Variants in ADAMTSL1 observed in about 807,000 individuals in gnomAD.
The protein encoded by ADAMTSL1 is ADAMTS like 1, also known as ADAMTS-like protein 1.
ADAMTSL1 carries 126 observed loss-of-function variants against 201.8 expected under a neutral mutation model. That is an observed-to-expected ratio of 0.62 (90% CI 0.54 to 0.72). The LOEUF is 0.72. Ranked by LOEUF, ADAMTSL1 falls within the 30% of genes least tolerant of loss-of-function variation. The probability of loss-of-function intolerance (pLI) is 0.00; values close to 1 mark genes in which losing one functional copy is unlikely to be tolerated. For missense variants in ADAMTSL1, 2,679 were observed against 2,277.8 expected, an observed-to-expected ratio of 1.18 and a Z score of -3.59; for synonymous variants, 1,121 against 903.4, an observed-to-expected ratio of 1.24 and a Z score of -4.32.
chr9:17,930,095 T>C (rs1826716155), intron 1 of ADAMTSL1, among the ~76,000 whole-genome samples: 1 of 152,192 alleles, frequency 6.6e-6, no homozygotes, highest in Non-Finnish European at 1.5e-5. Flanking sequence ...TTTAAAGAAA[T>C]ATTAGCTACT....
intron 1 of ADAMTSL1, among the ~76,000 whole-genome samples, chr9:18,018,158 C>A (rs1471436884): frequency 6.6e-6 from 1 of 152,088 alleles, no homozygotes; most frequent in Non-Finnish European, 1.5e-5. Flanking sequence ...TATTTACTAA[C>A]TAGCTATTTA....
intron 1 of ADAMTSL1, among the ~76,000 whole-genome samples, chr9:18,079,709 A>G (rs1005033453): frequency 2.0e-5 from 3 of 150,150 alleles, no homozygotes; most frequent in African/African-American, 7.3e-5. Flanking sequence ...AAATAAATAA[A>G]TAAATAAATA....
At chr9:17,998,547 G>C (rs774358590) in intron 1 of ADAMTSL1, among the ~76,000 whole-genome samples, 2 of 152,032 alleles carry the variant, frequency 1.3e-5, no homozygotes, top group African/African-American at 4.8e-5. Context: ...GAAGTCTATA[G>C]GCTGCAAGGA....
At chr9:18,710,311 T>C (rs1832486030) in intron 14 of ADAMTSL1, among the ~76,000 whole-genome samples, 1 of 152,218 alleles carries the variant, frequency 6.6e-6, no homozygotes, top group South Asian at 2.1e-4. Context: ...TGGCCCAAGA[T>C]ACTCCTTAAT....
chr9:17,937,639 A>G (rs1563907407), intron 1 of ADAMTSL1, among the ~76,000 whole-genome samples: 3 of 2,718 alleles, frequency 1.1e-3, no homozygotes. Context: ...TTGTTGATTT[A>G]AATTCCTTAA....
chr9:18,229,995 C>G, intron 2 of ADAMTSL1, among the ~76,000 whole-genome samples: 1 of 152,182 alleles, frequency 6.6e-6, no homozygotes, highest in East Asian at 1.9e-4. Context: ...CCGCACCCAG[C>G]CATTTAACCA....
intron 2 of ADAMTSL1, among the ~76,000 whole-genome samples, chr9:18,268,700 G>C (rs1433192246): frequency 1.3e-5 from 2 of 152,120 alleles, no homozygotes; most frequent in African/African-American, 4.8e-5. Flanking sequence ...TGACAGACTG[G>C]CTCATTCTCA....
chr9:18,002,351 T>G (rs1819647598), intron 1 of ADAMTSL1, among the ~76,000 whole-genome samples: 1 of 152,014 alleles, frequency 6.6e-6, no homozygotes, highest in Non-Finnish European at 1.5e-5. Context: ...ACAATATTGC[T>G]AGGTGACCTT....
intron 13 of ADAMTSL1, among the ~76,000 whole-genome samples, chr9:18,687,233 C>CT (rs1180323379): frequency 5.3e-5 from 8 of 152,040 alleles, no homozygotes; most frequent in East Asian, 3.8e-4. Flanking sequence ...CTAAGTGTCA[C>CT]TTTTTTTTAT....
chr9:18,562,040 A>G (rs545138568), intron 3 of ADAMTSL1, among the ~76,000 whole-genome samples: 9 of 152,226 alleles, frequency 5.9e-5, no homozygotes, highest in Admixed American at 2.0e-4. Context: ...TAATATTGTT[A>G]TGTGTGAATC....
chr9:18,592,782 A>G (rs1824009360), intron 4 of ADAMTSL1, among the ~76,000 whole-genome samples: 1 of 152,158 alleles, frequency 6.6e-6, no homozygotes, highest in African/African-American at 2.4e-5. Flanking sequence ...TTTGACAGAG[A>G]TTGCAATGAA....
At chr9:18,723,290 C>A in intron 15 of ADAMTSL1, 1 of 585,226 alleles carries the variant, frequency 1.7e-6, no homozygotes, top group African/African-American at 1.9e-5. Flanking sequence ...AATTTCTGTT[C>A]TGCTTATTTG....
chr9:17,994,502 T>C (rs1272081345), intron 1 of ADAMTSL1, among the ~76,000 whole-genome samples: 2 of 152,174 alleles, frequency 1.3e-5, no homozygotes, highest in East Asian at 1.9e-4. Flanking sequence ...AAAATGCTTT[T>C]ATTAGATATT....
At chr9:17,940,262 G>A (rs1563908987) in intron 1 of ADAMTSL1, among the ~76,000 whole-genome samples, 1 of 152,034 alleles carries the variant, frequency 6.6e-6, no homozygotes, top group Non-Finnish European at 1.5e-5. Context: ...ATTGTAGAGG[G>A]TAGATTTGAG....
intron 2 of ADAMTSL1, among the ~76,000 whole-genome samples, chr9:18,526,880 CCA>C (rs566738756): frequency 2.0e-3 from 301 of 152,300 alleles, no homozygotes; most frequent in Non-Finnish European, 3.2e-3. Flanking sequence ...GCTCTAAGAT[CCA>C]CAGTCTAAAT....
At chr9:18,696,758 A>G (rs1831576089) in intron 13 of ADAMTSL1, among the ~76,000 whole-genome samples, 1 of 152,128 alleles carries the variant, frequency 6.6e-6, no homozygotes, top group African/African-American at 2.4e-5. Context: ...ATTGTATTCC[A>G]ATATTATCAT....
At chr9:18,861,201 C>A (rs1202472526) in intron 23 of ADAMTSL1, among the ~76,000 whole-genome samples, 1 of 152,210 alleles carries the variant, frequency 6.6e-6, no homozygotes, top group Non-Finnish European at 1.5e-5. Context: ...TCTTTTGATA[C>A]ACATTTCCCA....
At chr9:18,509,532 G>T (rs73421030) in intron 2 of ADAMTSL1, among the ~76,000 whole-genome samples, 5,594 of 152,210 alleles carry the variant, frequency 0.037, 346 homozygotes, top group African/African-American at 0.13. Flanking sequence ...ACATATCTAG[G>T]GTTGGCTGGA....
intron 2 of ADAMTSL1, among the ~76,000 whole-genome samples, chr9:18,405,170 G>A (rs1180004520): frequency 6.6e-6 from 1 of 152,098 alleles, no homozygotes; most frequent in Non-Finnish European, 1.5e-5. Context: ...CAACTATATT[G>A]AAATTGACAG....
Sources: gnomAD v4.1 joint callset for allele counts (sites outside exome capture counted in the v4.1 genomes callset) on GRCh38, gnomAD v4.1.1 for gene constraint, MANE v1.5 for transcripts, NCBI Gene and HGNC (gene_info 2026-07-23, HGNC 2026-07-21) for gene names.